PLXNB3: variants seen among roughly 807,000 people sequenced by gnomAD.
The protein encoded by PLXNB3 is plexin-B3.
A neutral mutation model predicts 125.7 loss-of-function variants in PLXNB3; 80 were observed. That is an observed-to-expected ratio of 0.64 (90% CI 0.53 to 0.77). The LOEUF is 0.77. PLXNB3 is among the 30% of genes least tolerant of loss of function. The pLI is 0.00. For synonymous variants in PLXNB3, 954 were observed against 783.3 expected (o/e 1.22, Z -3.64); for missense variants, 1,836 against 1,729.3 (o/e 1.06, Z -1.09).
At chrX:153,774,161 G>A (rs1667253272) in intron 20 of PLXNB3, 25 bp from the exon 21 acceptor site, 1 of 1,203,066 alleles carries the variant, frequency 8.3e-7, no homozygotes, top group South Asian at 1.8e-5. Context: ...GGGGCCAGCG[G>A]CTTAGGCTCC....
chrX:153,771,197 C>A, intron 12 of PLXNB3, 113 bp from the exon 13 acceptor site: 1 of 918,955 alleles, frequency 1.1e-6, no homozygotes, highest in Non-Finnish European at 1.6e-6. Context: ...GGGCCCCAGT[C>A]TTGGGGGAGA....
chrX:153,774,122 C>A, intron 20 of PLXNB3, 24 bp downstream of exon 20: 1 of 1,195,374 alleles, frequency 8.4e-7, no homozygotes, highest in Non-Finnish European at 1.1e-6. Flanking sequence ...TCAACCCTGC[C>A]CCGCCACGGT....
Position 153,771,382 on chromosome X carries a change from G to C in PLXNB3, c.2326G>C (p.Asp776His), listed in dbSNP as rs1557061807. 2.5e-6 allele frequency: 3 copies of C among 1,209,400 alleles called. No individual in the cohort carries two copies. Among genetic ancestry groups the C allele is most frequent in the Non-Finnish European group, 3.4e-6 (3 of 894,426 alleles). ...CACCCAGGGTGAAGCCCAGAGGCTG[G>C]ACAACACCCATGCTCTTTATGGTGA... ...YVTQGEAQRL[D>H]NTHALYVILY... is the part of the protein sequence containing the mutation. Residue 776 changes from aspartate (D) to histidine (H), a missense_variant, in exon 13 of 36, where the codon GAC becomes CAC. Transcript: ENST00000361971.
intron 2 of PLXNB3, chrX:153,766,080 T>C: frequency 9.4e-7 from 1 of 1,062,230 alleles, no homozygotes; most frequent in Non-Finnish European, 1.2e-6. Flanking sequence ...CCCAAACTGC[T>C]GGGGCCCATG....
At position 153,766,961 on chromosome X, in the gene PLXNB3, A is replaced by T. The variant is rs782730265; in HGVS notation, c.134A>T (p.His45Leu). Residue 45 changes from histidine to leucine, a missense_variant, in exon 3 of 36, where the codon CAT becomes CTT. Coordinates refer to ENST00000361971, the MANE Select transcript of PLXNB3 (RefSeq NM_005393.3). ...CCGCCACTGCCCTTGACAGGGGCCC[A>T]TCGCTTCTCCGCACCTAATACCACT... ...SPPPLPLTGA[H>L]RFSAPNTTLN... 1 of 1,210,464 alleles carries T rather than the reference A, an allele frequency of 8.3e-7. No individual in the cohort carries two copies. Among genetic ancestry groups the T allele is most frequent in the Non-Finnish European group, 1.1e-6 (1 of 895,386 alleles).
Position 153,779,186 on chromosome X carries a change from C to T in PLXNB3, c.*147C>T. Reference sequence around the variant, plus strand: ...ACTGTGCCCAGCAGTGGGCTCCCTGCCTGCCACCTCCCCTGCCAGCCCACC... The same window carrying T: ...ACTGTGCCCAGCAGTGGGCTCCCTGTCTGCCACCTCCCCTGCCAGCCCACC... On this transcript the variant is annotated 3_prime_UTR_variant, in exon 36 of 36. Transcript: ENST00000361971. The T allele has an allele frequency of 8.8e-6, 3 of 341,329 alleles. No homozygotes were observed. Among genetic ancestry groups the T allele is most frequent in the East Asian group, 4.7e-5 (1 of 21,450 alleles). 28.1% of individuals were successfully genotyped at this position (341,329 alleles called of 1,213,427 possible). A position where few individuals can be genotyped will look rare whatever the true frequency, so the allele number is the denominator to read the frequency against.
chrX:153,770,543 G>A lies in PLXNB3; in HGVS notation c.1911G>A (p.Val637=), dbSNP rs782664242. Residue 637 remains valine, a synonymous_variant, in exon 10 of 36, where the codon GTG becomes GTA. Transcript: ENST00000361971. The part of the protein sequence containing the change: ...LEAAAPCRAC[V]GSIWRCHWCP... ...GCCCCTCTAGGTGTCGCGCTTGCGT[G>A]GGCAGCATCTGGCGGTGTCACTGGT... 2.5e-6 allele frequency: 3 copies of A among 1,210,291 alleles called. No individual in the cohort carries two copies. The Admixed American group carries it at 6.5e-5, about 26-fold the overall frequency.
chrX:153,765,643 G>A (rs1557058910), intron 2 of PLXNB3, 63 bp downstream of exon 2: 2 of 1,166,654 alleles, frequency 1.7e-6, no homozygotes, highest in Non-Finnish European at 2.3e-6. Context: ...GGGCAGGATG[G>A]CTGTGGCCAG....
intron 1 of PLXNB3, 146 bp from the exon 2 acceptor site, chrX:153,765,325 G>C (rs2091845286): frequency 2.2e-6 from 1 of 454,549 alleles, no homozygotes; most frequent in African/African-American, 2.4e-5. Flanking sequence ...TGGAGGCAGG[G>C]CTGCCTTGGC....
Position 153,769,815 on chromosome X carries a change from G to A in PLXNB3, c.1505G>A (p.Arg502Gln), listed in dbSNP as rs782275965. The change falls in exon 7 of 36, where the codon CGG (arginine) becomes CAG (glutamine). Residue 502 changes from arginine (R) to glutamine (Q), a missense_variant. Physicochemically the swap from Arg to Gln is conservative, Grantham distance 43. Transcript: ENST00000361971. Reference protein sequence around the residue: ...GWCVLQGRCTRKGQCGRAGQL... With the variant: ...GWCVLQGRCTQKGQCGRAGQL... ...GGACCCCTGCCTGGCAGGTGTACCC[G>A]GAAGGGCCAGTGCGGGCGGGCAGGC... 12 of 1,203,314 alleles carry A rather than the reference G, an allele frequency of 1.0e-5. No homozygotes were observed. The highest frequency in any genetic ancestry group is 3.0e-5 in the East Asian group (1 of 33,581).
At position 153,770,139 on chromosome X, in the gene PLXNB3, CTTCCATTG is replaced by C; in HGVS notation, c.1679_1686del (p.Phe560CysfsTer6). ...TGCCCATCCTGGATGCAGATGAATA[CTTCCATTG>C]TGCGTTCGGGGACTATGACAGCTTG... On this transcript the variant is annotated frameshift_variant, in exon 8 of 36. Transcript: ENST00000361971. LOFTEE classifies it high-confidence loss of function. 2 of 1,211,521 alleles carry C rather than the reference CTTCCATTG, an allele frequency of 1.7e-6. No individual in the cohort carries two copies. Among genetic ancestry groups the C allele is most frequent in the Non-Finnish European group, 2.2e-6 (2 of 895,457 alleles).
Position 153,771,855 on chromosome X carries a change from C to T in PLXNB3, c.2518-9C>T. The T allele has an allele frequency of 8.3e-7, 1 of 1,205,527 alleles. No individual in the cohort carries two copies. ...GGGGACCCCATCTGCCATCATTTGC[C>T]TGCTGCAGGTCGAGCCCCTGACCGG... On this transcript the variant is annotated splice_polypyrimidine_tract_variant and intron_variant, in intron 14 of 35. Coordinates refer to ENST00000361971, the MANE Select transcript of PLXNB3 (RefSeq NM_005393.3).
Position 153,771,903 on chromosome X carries a change from C to G in PLXNB3, c.2557C>G (p.Leu853Val), listed in dbSNP as rs2091934822. ...LTGPPEGGLALTILGSNLGRA... is the reference protein window; with the variant it reads ...LTGPPEGGLAVTILGSNLGRA... ...CGGTCCCCCTGAGGGAGGCTTGGCC[C>G]TCACCATCCTGGGCTCCAACCTGGG... The change falls in exon 15 of 36, where the codon CTC (leucine) becomes GTC (valine). Residue 853 changes from leucine to valine, a missense_variant. Coordinates refer to ENST00000361971, the MANE Select transcript of PLXNB3 (RefSeq NM_005393.3). 8.3e-7 allele frequency: 1 copy of G among 1,209,556 alleles called. No individual in the cohort carries two copies. Among genetic ancestry groups the G allele is most frequent in the East Asian group, 3.0e-5 (1 of 33,824 alleles).
In PLXNB3 at chrX:153,779,104, G is replaced by A. The variant is rs183947566; in HGVS notation, c.*65G>A. On this transcript the variant is annotated 3_prime_UTR_variant, in exon 36 of 36. Coordinates refer to ENST00000361971, the MANE Select transcript of PLXNB3 (RefSeq NM_005393.3). ...CGCAGCGCCTTATGACCCCGGAACC[G>A]AGCCAGCCACTGAGGGGAGCTGGCA... 1.3e-4 allele frequency: 109 copies of A among 836,164 alleles called. No homozygotes were observed. The East Asian group carries it at 3.4e-3, about 26-fold the overall frequency. 68.9% of individuals were successfully genotyped at this position (836,164 alleles called of 1,213,427 possible).
intron 31 of PLXNB3, 87 bp downstream of exon 31, chrX:153,777,775 A>G: frequency 3.6e-6 from 4 of 1,097,203 alleles, no homozygotes; most frequent in Middle Eastern, 2.9e-4. Context: ...GGATGCGCCC[A>G]CCTGGGGTTT....
intron 2 of PLXNB3, 185 bp from the exon 3 acceptor site, chrX:153,766,688 T>C: frequency 1.4e-6 from 1 of 737,337 alleles, no homozygotes; most frequent in Non-Finnish European, 1.6e-6. Context: ...TCCCTCCTTA[T>C]GTCCCCCTCT....
Position 153,773,240 on chromosome X carries a change from G to C in PLXNB3, c.2917G>C (p.Val973Leu). 1 of 1,205,487 alleles carries C rather than the reference G, an allele frequency of 8.3e-7. No homozygotes were observed. The highest frequency in any genetic ancestry group is 1.1e-6 in the Non-Finnish European group (1 of 891,991). ...CTACCCATCCTGCAGCCTGGAGCCA[G>C]TGTGTCCGGAGGCCATCGTGTGCCG... ...GGQPCPILEP[V>L]CPEAIVCRTR... Residue 973 changes from valine (V) to leucine (L), a missense_variant, in exon 18 of 36, where the codon GTG becomes CTG. Physicochemically the swap from Val to Leu is conservative, Grantham distance 32 (BLOSUM62 1). Transcript: ENST00000361971.
intron 22 of PLXNB3, 43 bp from the exon 23 acceptor site, chrX:153,774,663 G>A: frequency 8.7e-7 from 1 of 1,148,159 alleles, no homozygotes; most frequent in Non-Finnish European, 1.2e-6. Context: ...CCTGGCTGAT[G>A]CTGGCCCCGG....
In PLXNB3 at chrX:153,772,993, C is replaced by T. The variant is rs376016498; in HGVS notation, c.2883C>T (p.Phe961=). The change falls in exon 17 of 36, where the codon TTC becomes TTT. Residue 961 remains phenylalanine, a synonymous_variant. Transcript: ENST00000361971. ...HLQTGGNTSA[F]VGGQPCPILE... ...AGACAGGTGGCAACACCAGTGCCTTCGTGGGTGGCCAACCCTGTCCCATGT... is the reference window on the plus strand; with the variant it reads ...AGACAGGTGGCAACACCAGTGCCTTTGTGGGTGGCCAACCCTGTCCCATGT... 14 of 1,192,981 alleles carry T rather than the reference C, an allele frequency of 1.2e-5. No individual in the cohort carries two copies. The highest frequency in any genetic ancestry group is 1.9e-5 in the South Asian group (1 of 53,542).
Sources: allele counts gnomAD v4.1 joint callset, GRCh38; gene constraint gnomAD v4.1.1; transcripts MANE v1.5; gene names NCBI Gene and HGNC (gene_info 2026-07-23, HGNC 2026-07-21).